UGT1A10: variants seen among roughly 807,000 people sequenced by gnomAD.
UGT1A10 encodes the protein UDP-glucuronosyltransferase 1A10.
Under a neutral mutation model 45.8 loss-of-function variants are expected in UGT1A10, and 49 were observed. The observed-to-expected ratio is 1.07, with a 90% CI of 0.85 to 1.36. The LOEUF (loss-of-function observed/expected upper bound fraction) is 1.36, where lower values mean the gene tolerates loss of function less well. Ranked by LOEUF, UGT1A10 falls within the 40% of genes most tolerant of loss-of-function variation. The pLI, the probability that UGT1A10 is intolerant of heterozygous loss-of-function variation, is 0.00. For synonymous variants in UGT1A10, 284 were observed against 249.7 expected, an observed-to-expected ratio of 1.14 and a Z score of -1.29; for missense variants, 745 against 668.6, an observed-to-expected ratio of 1.11 and a Z score of -1.26.
chr2:233,644,956 G>A (rs1386504324), intron 1 of UGT1A10, among the ~76,000 whole-genome samples: 2 of 152,100 alleles, frequency 1.3e-5, no homozygotes, highest in Non-Finnish European at 2.9e-5. Flanking sequence ...AAAACTGTGT[G>A]TAATGAGTTC....
intron 1 of UGT1A10, chr2:233,682,088 AG>A (rs1304438877): frequency 1.2e-6 from 2 of 1,613,894 alleles, no homozygotes; most frequent in African/African-American, 2.7e-5. Context: ...ACTCATCCTC[AG>A]GGGGCATGAG....
chr2:233,673,389 A>G (rs776636188), intron 1 of UGT1A10, among the ~76,000 whole-genome samples: 6 of 152,170 alleles, frequency 3.9e-5, no homozygotes, highest in Non-Finnish European at 7.4e-5. Flanking sequence ...ATATTGATAT[A>G]GATTTAGGCA....
chr2:233,687,886 T>TG (rs1056933607), intron 1 of UGT1A10, among the ~76,000 whole-genome samples: 6 of 152,276 alleles, frequency 3.9e-5, no homozygotes, highest in African/African-American at 1.4e-4. Context: ...CCAGCCTGGG[T>TG]GATAGACTAA....
chr2:233,638,878 C>T (rs184915458), intron 1 of UGT1A10, among the ~76,000 whole-genome samples: 15 of 152,324 alleles, frequency 9.8e-5, no homozygotes, highest in Admixed American at 9.8e-4. Context: ...ACTTTCAGCT[C>T]ATGGCAAGAC....
chr2:233,773,279 T>G lies in UGT1A10; in HGVS notation c.*720T>G, dbSNP rs1468042895. 1 of 152,208 alleles carries G rather than the reference T, an allele frequency of 6.6e-6. No homozygotes were observed. Among genetic ancestry groups the G allele is most frequent in the African/African-American group, 2.4e-5 (1 of 41,464 alleles). 9.4% of individuals were successfully genotyped at this position (152,208 alleles called of 1,614,324 possible). On this transcript the variant is annotated 3_prime_UTR_variant, in exon 5 of 5. Transcript: ENST00000344644. ...ATGTTTCCTACAACTAAAAATAAATTAATAAATTTATATAAATTCTATTTA... is the reference window on the plus strand; with the variant it reads ...ATGTTTCCTACAACTAAAAATAAATGAATAAATTTATATAAATTCTATTTA...
chr2:233,720,454 C>T (rs1295053597), intron 1 of UGT1A10, among the ~76,000 whole-genome samples: 1 of 152,034 alleles, frequency 6.6e-6, no homozygotes, highest in African/African-American at 2.4e-5. Flanking sequence ...CCCAGTGAAG[C>T]TGGGACCAGT....
chr2:233,671,004 G>T (rs1202700074), intron 1 of UGT1A10, among the ~76,000 whole-genome samples: 1 of 152,156 alleles, frequency 6.6e-6, no homozygotes, highest in Non-Finnish European at 1.5e-5. Flanking sequence ...AGTCCTATTT[G>T]TAAACCCAAA....
chr2:233,767,774 T>C lies in UGT1A10; in HGVS notation c.988-75T>C, dbSNP rs749703763. On this transcript the variant is annotated intron_variant, in intron 2 of 4. Transcript: ENST00000344644. ...GTTCCTTCAGAGGACCCCTGTTTTC[T>C]AGTTAGTATAGCAGATTTGTTTTCT... The C allele has an allele frequency of 2.2e-5, 36 of 1,612,214 alleles. No homozygotes were observed. In the South Asian group the frequency reaches 3.9e-4, roughly 17 times the overall value.
intron 1 of UGT1A10, among the ~76,000 whole-genome samples, chr2:233,652,268 C>CT (rs1194727070): frequency 1.8e-4 from 27 of 152,148 alleles, no homozygotes; most frequent in African/African-American, 6.0e-4. Context: ...TTTATTTCAA[C>CT]TTTTTTTTGT....
At chr2:233,706,530 A>G (rs921151906) in intron 1 of UGT1A10, among the ~76,000 whole-genome samples, 13 of 152,210 alleles carry the variant, frequency 8.5e-5, no homozygotes, top group African/African-American at 2.9e-4. Context: ...GCGGCTTAGA[A>G]ACACAGCTTT....
At chr2:233,656,261 G>A (rs1457967443) in intron 1 of UGT1A10, among the ~76,000 whole-genome samples, 1 of 152,160 alleles carries the variant, frequency 6.6e-6, no homozygotes, top group East Asian at 1.9e-4. Context: ...ACATCAAAAG[G>A]TCTCTTCAGG....
intron 1 of UGT1A10, among the ~76,000 whole-genome samples, chr2:233,762,296 G>A (rs1425632739): frequency 6.6e-6 from 1 of 152,206 alleles, no homozygotes; most frequent in Non-Finnish European, 1.5e-5. Context: ...GGTGCCAACC[G>A]AGGTCTAGTT....
Position 233,768,531 on chromosome 2 carries a change from G to A in UGT1A10, c.1295+92G>A, listed in dbSNP as rs868518109. ...AAACATTTACGTAGCATTTAATAGC[G>A]TTGTTTCAAATATAAAAACAAATAC... On this transcript the variant is annotated intron_variant, in intron 4 of 4. Transcript: ENST00000344644. 3.8e-5 allele frequency: 56 copies of A among 1,481,648 alleles called. No individual in the cohort carries two copies. In the East Asian group the frequency reaches 3.8e-4, roughly 10 times the overall value. 91.8% of individuals were successfully genotyped at this position (1,481,648 alleles called of 1,614,324 possible).
intron 1 of UGT1A10, among the ~76,000 whole-genome samples, chr2:233,683,732 C>A (rs2074647819): frequency 6.6e-6 from 1 of 152,060 alleles, no homozygotes; most frequent in Non-Finnish European, 1.5e-5. Flanking sequence ...GCAATTTTCC[C>A]ATTTCTCTTT....
rs867263370 is a variant in UGT1A10, at chr2:233,671,930, C to A, written c.855+34553C>A. 21 of 1,602,274 alleles carry A rather than the reference C, an allele frequency of 1.3e-5. No homozygotes were observed. In the Middle Eastern group the frequency reaches 6.7e-4, roughly 51 times the overall value. Reference sequence around the variant, plus strand: ...CAGCTGCTTGCTCTCAGCTGCAGTTCTCTGATGGCTTGCACAGGGTGGACC... The same window carrying A: ...CAGCTGCTTGCTCTCAGCTGCAGTTATCTGATGGCTTGCACAGGGTGGACC... On this transcript the variant is annotated intron_variant, in intron 1 of 4. Transcript: ENST00000344644.
intron 1 of UGT1A10, chr2:233,718,851 CG>C: frequency 6.2e-7 from 1 of 1,613,708 alleles, no homozygotes; most frequent in South Asian, 1.1e-5. Context: ...TCCCCTGCCG[CG>C]GCTGGCCACA....
At chr2:233,713,117 C>G in intron 1 of UGT1A10, 2 of 1,614,220 alleles carry the variant, frequency 1.2e-6, no homozygotes, top group South Asian at 1.1e-5. Flanking sequence ...GCCACTGGCT[C>G]AGCATGCGGG....
At chr2:233,732,616 A>G (rs1187431518) in intron 1 of UGT1A10, among the ~76,000 whole-genome samples, 2 of 152,194 alleles carry the variant, frequency 1.3e-5, no homozygotes, top group African/African-American at 4.8e-5. Flanking sequence ...AAATGGTTGT[A>G]GATGTGTGGT....
At chr2:233,703,821 T>A (rs553950100) in intron 1 of UGT1A10, among the ~76,000 whole-genome samples, 1 of 152,292 alleles carries the variant, frequency 6.6e-6, no homozygotes, top group African/African-American at 2.4e-5. Context: ...GTCTTTTAAT[T>A]GAGTTGTTTA....
Sources: gnomAD v4.1 joint callset for allele counts (sites outside exome capture counted in the v4.1 genomes callset) on GRCh38, gnomAD v4.1.1 for gene constraint, MANE v1.5 for transcripts, NCBI Gene and HGNC (gene_info 2026-07-23, HGNC 2026-07-21) for gene names.